SAMD5: variants seen among roughly 807,000 people sequenced by gnomAD.
SAMD5 encodes the protein sterile alpha motif domain containing 5.
A neutral mutation model predicts 11.3 loss-of-function variants in SAMD5; 13 were observed. That is an observed-to-expected ratio of 1.15 (90% CI 0.75 to 1.83). The LOEUF is 1.83. Ranked by LOEUF, SAMD5 falls within the 40% of genes most tolerant of loss-of-function variation. The probability of loss-of-function intolerance (pLI) is 0.00; values close to 1 mark genes in which losing one functional copy is unlikely to be tolerated. For missense variants in SAMD5, 255 were observed against 239.1 expected (o/e 1.07, Z -0.44); for synonymous variants, 129 against 111.3 (o/e 1.16, Z -1.00).
At chr6:147,894,874 T>G in the SAMD5 span, among the ~76,000 whole-genome samples, 1 of 152,210 alleles carries the variant, frequency 6.6e-6, no homozygotes, top group African/African-American at 2.4e-5. Flanking sequence ...ATCTAAGTCA[T>G]GATTCTAAAC....
rs889031554 is a variant in SAMD5 at position 147,562,287 on chromosome 6, A to G, written c.460-2107A>G. Reference sequence around the variant, plus strand: ...GACTTCAGGCAGAAGTCTGTTGAACATGGGGCAGACATGGAATCTTGCATT... The same window carrying G: ...GACTTCAGGCAGAAGTCTGTTGAACGTGGGGCAGACATGGAATCTTGCATT... On this transcript the variant is annotated intron_variant, in intron 1 of 1. Transcript: ENST00000367474. 2.6e-5 allele frequency among the ~76,000 whole-genome samples: 4 copies of G among 152,218 alleles called. No homozygotes were observed. In the South Asian group the frequency reaches 8.3e-4, roughly 32 times the overall value.
At chr6:147,509,898 C>T (rs538827146) in intron 1 of SAMD5, among the ~76,000 whole-genome samples, 3 of 152,136 alleles carry the variant, frequency 2.0e-5, no homozygotes, top group Non-Finnish European at 4.4e-5. Context: ...AAAATCCCAG[C>T]GCTGCTGCAA....
chr6:147,800,302 C>T, the SAMD5 span, among the ~76,000 whole-genome samples: 1 of 152,288 alleles, frequency 6.6e-6, no homozygotes, highest in East Asian at 1.9e-4. Context: ...GGACCCTCAG[C>T]TGCAGGTCTG....
chr6:147,560,736 G>C (rs775298829), intron 1 of SAMD5, among the ~76,000 whole-genome samples: 8 of 152,108 alleles, frequency 5.3e-5, no homozygotes, highest in Non-Finnish European at 1.0e-4. Flanking sequence ...TTAACCATAG[G>C]ATAATAGTTT....
the SAMD5 span, among the ~76,000 whole-genome samples, chr6:147,949,365 C>T: frequency 6.6e-6 from 1 of 152,132 alleles, no homozygotes; most frequent in African/African-American, 2.4e-5. Flanking sequence ...TCTGTAACCC[C>T]AGTTTGGTAA....
At chr6:147,888,081 T>A in the SAMD5 span, among the ~76,000 whole-genome samples, 1 of 152,192 alleles carries the variant, frequency 6.6e-6, no homozygotes, top group African/African-American at 2.4e-5. Flanking sequence ...GATTTGTAAA[T>A]CCCATTTTCT....
intron 1 of SAMD5, among the ~76,000 whole-genome samples, chr6:147,523,826 T>C (rs1002983490): frequency 6.6e-6 from 1 of 152,208 alleles, no homozygotes; most frequent in African/African-American, 2.4e-5. Flanking sequence ...CACTGTCATT[T>C]ATAGGCATCT....
At chr6:147,523,981 G>A (rs1788295340) in intron 1 of SAMD5, among the ~76,000 whole-genome samples, 1 of 152,136 alleles carries the variant, frequency 6.6e-6, no homozygotes, top group Non-Finnish European at 1.5e-5. Flanking sequence ...GGTATGCAAG[G>A]AATTTACTCT....
At chr6:147,858,404 C>T in the SAMD5 span, among the ~76,000 whole-genome samples, 60 of 152,190 alleles carry the variant, frequency 3.9e-4, no homozygotes, top group African/African-American at 1.4e-3. Flanking sequence ...TTAATTTGGG[C>T]TTTATTATTC....
the SAMD5 span, among the ~76,000 whole-genome samples, chr6:147,892,282 C>T: frequency 6.6e-6 from 1 of 152,136 alleles, no homozygotes; most frequent in African/African-American, 2.4e-5. Context: ...ACAGCTATAC[C>T]TCCTTCATTC....
At chr6:147,944,575 C>T in the SAMD5 span, among the ~76,000 whole-genome samples, 2 of 152,198 alleles carry the variant, frequency 1.3e-5, no homozygotes, top group African/African-American at 4.8e-5. Context: ...ATATTAGCAT[C>T]TGATTCTCAG....
At chr6:147,539,912 A>T (rs539231426) in intron 1 of SAMD5, among the ~76,000 whole-genome samples, 1 of 152,306 alleles carries the variant, frequency 6.6e-6, no homozygotes, top group African/African-American at 2.4e-5. Context: ...AGCCACGCCA[A>T]GCAGCCAATA....
At chr6:147,752,761 T>C in the SAMD5 span, among the ~76,000 whole-genome samples, 1 of 152,146 alleles carries the variant, frequency 6.6e-6, no homozygotes, top group South Asian at 2.1e-4. Context: ...GAATCTGACC[T>C]CATGGTGGCT....
the SAMD5 span, among the ~76,000 whole-genome samples, chr6:147,808,124 T>C: frequency 6.6e-6 from 1 of 152,326 alleles, no homozygotes; most frequent in Non-Finnish European, 1.5e-5. Flanking sequence ...GGATCTATGG[T>C]CAGTTCCATG....
chr6:147,905,868 C>T, the SAMD5 span, among the ~76,000 whole-genome samples: 1 of 152,064 alleles, frequency 6.6e-6, no homozygotes, highest in Non-Finnish European at 1.5e-5. Context: ...TTTTATTGGG[C>T]CAAAGGGATA....
At chr6:147,899,026 A>G in the SAMD5 span, among the ~76,000 whole-genome samples, 1 of 151,592 alleles carries the variant, frequency 6.6e-6, no homozygotes, top group East Asian at 1.9e-4. Context: ...TAAAAATACA[A>G]AAAAATTAGC....
At chr6:147,910,628 G>C in the SAMD5 span, among the ~76,000 whole-genome samples, 1 of 152,102 alleles carries the variant, frequency 6.6e-6, no homozygotes, top group Admixed American at 6.5e-5. Context: ...ATGTGTCCAG[G>C]CTGCGAATGA....
chr6:147,696,632 C>A (rs1791180605), intron 1 of SAMD5, among the ~76,000 whole-genome samples: 1 of 152,180 alleles, frequency 6.6e-6, no homozygotes, highest in Admixed American at 6.5e-5. Context: ...AATACAAAAG[C>A]AGGGGATATC....
intron 1 of SAMD5, among the ~76,000 whole-genome samples, chr6:147,696,815 T>C (rs73014055): frequency 0.06 from 9,155 of 152,284 alleles, 359 homozygotes; most frequent in African/African-American, 0.1. Context: ...GGAATTTCCA[T>C]ATAGGGTGCG....
Sources: allele counts gnomAD v4.1 joint callset (sites outside exome capture counted in the v4.1 genomes callset), GRCh38; gene constraint gnomAD v4.1.1; transcripts MANE v1.5; gene names NCBI Gene and HGNC (gene_info 2026-07-23, HGNC 2026-07-21).